DGKB: variants seen among roughly 807,000 people sequenced by gnomAD.
DGKB encodes the protein 90 kDa diacylglycerol kinase.
In DGKB, 67 loss-of-function variants were observed where a neutral mutation model predicts 114.3. The ratio of observed to expected loss-of-function variants is 0.59; its 90% CI spans 0.48 to 0.72. The LOEUF is 0.72. Among genes scored for constraint, DGKB ranks in the 30% least tolerant of loss-of-function variants. The probability of loss-of-function intolerance (pLI) is 0.00; values close to 1 mark genes in which losing one functional copy is unlikely to be tolerated. For missense variants in DGKB, 907 were observed against 975.2 expected (o/e 0.93, Z 0.93); for synonymous variants, 398 against 323.1 (o/e 1.23, Z -2.49).
chr7:14,631,656 C>T (rs1456902757), intron 13 of DGKB, among the ~76,000 whole-genome samples: 1 of 151,966 alleles, frequency 6.6e-6, no homozygotes. Flanking sequence ...CAGTAACATT[C>T]TTGACTTCTG....
At chr7:14,377,143 G>C (rs2128669465) in intron 21 of DGKB, among the ~76,000 whole-genome samples, 1 of 152,274 alleles carries the variant, frequency 6.6e-6, no homozygotes, top group East Asian at 1.9e-4. Context: ...GATATTCTGA[G>C]CTCTGTCTCA....
chr7:14,506,923 C>A (rs1029169932), intron 20 of DGKB, among the ~76,000 whole-genome samples: 1 of 152,158 alleles, frequency 6.6e-6, no homozygotes, highest in African/African-American at 2.4e-5. Flanking sequence ...AGTTATGTAT[C>A]AAGAGTTCCA....
chr7:14,243,097 G>C (rs6954871), intron 23 of DGKB, among the ~76,000 whole-genome samples: 1 of 151,616 alleles, frequency 6.6e-6, no homozygotes, highest in African/African-American at 2.4e-5. Flanking sequence ...AGGAAATGCT[G>C]TAAGCCTATT....
intron 20 of DGKB, among the ~76,000 whole-genome samples, chr7:14,547,230 A>C (rs62443522): frequency 0.044 from 6,744 of 152,190 alleles, 236 homozygotes; most frequent in East Asian, 0.2. Flanking sequence ...CTCAAAGAAA[A>C]CAAAATAAAC....
chr7:14,720,763 A>G (rs1829040619), intron 5 of DGKB, among the ~76,000 whole-genome samples: 1 of 152,008 alleles, frequency 6.6e-6, no homozygotes, highest in South Asian at 2.1e-4. Flanking sequence ...TTTCCTTTTT[A>G]ATAGAAGTAT....
intron 13 of DGKB, among the ~76,000 whole-genome samples, chr7:14,653,748 A>C (rs548935799): frequency 6.6e-6 from 1 of 152,236 alleles, no homozygotes; most frequent in African/African-American, 2.4e-5. Context: ...AATGTGATAT[A>C]ATACATCAAT....
chr7:14,818,616 A>G (rs551756617), intron 2 of DGKB, among the ~76,000 whole-genome samples: 62 of 152,352 alleles, frequency 4.1e-4, no homozygotes, highest in Admixed American at 1.8e-3. Flanking sequence ...GGAAACAGAA[A>G]TGAAGCAATG....
At chr7:14,647,335 A>AAAC (rs940990701) in intron 13 of DGKB, among the ~76,000 whole-genome samples, 76 of 151,998 alleles carry the variant, frequency 5.0e-4, no homozygotes, top group East Asian at 1.9e-3. Flanking sequence ...CCCAAAAAGA[A>AAAC]AACAACAACA....
At chr7:14,947,474 C>A (rs1785947998) in intron 1 of DGKB, among the ~76,000 whole-genome samples, 1 of 149,814 alleles carries the variant, frequency 6.7e-6, no homozygotes, top group Non-Finnish European at 1.5e-5. Context: ...TTATACATAT[C>A]TTTAACTGAA....
intron 13 of DGKB, among the ~76,000 whole-genome samples, chr7:14,632,342 G>C (rs1809882756): frequency 1.3e-5 from 2 of 151,732 alleles, no homozygotes; most frequent in Admixed American, 1.3e-4. Flanking sequence ...AATATTTAGT[G>C]ATGTGGTGTT....
chr7:14,223,850 T>C (rs1414043156), intron 23 of DGKB, among the ~76,000 whole-genome samples: 1 of 151,800 alleles, frequency 6.6e-6, no homozygotes, highest in Admixed American at 6.6e-5. Context: ...TTGTTTTAGG[T>C]GGGAAGCCAT....
intron 12 of DGKB, 119 bp from the exon 13 acceptor site, chr7:14,673,146 G>C (rs766443924): frequency 1.3e-5 from 8 of 611,924 alleles, no homozygotes; most frequent in Admixed American, 3.0e-5. Flanking sequence ...GAAATTATAA[G>C]AACAAATAAA....
At chr7:14,911,826 G>A (rs1163008666) in intron 1 of DGKB, among the ~76,000 whole-genome samples, 2 of 152,182 alleles carry the variant, frequency 1.3e-5, no homozygotes, top group Non-Finnish European at 2.9e-5. Context: ...AAGGCAATTA[G>A]TAAAATTAAT....
intron 23 of DGKB, among the ~76,000 whole-genome samples, chr7:14,246,323 G>A (rs1308494331): frequency 6.6e-6 from 1 of 152,136 alleles, no homozygotes; most frequent in African/African-American, 2.4e-5. Flanking sequence ...TAAAATGAAT[G>A]TAATTTTATA....
intron 1 of DGKB, among the ~76,000 whole-genome samples, chr7:14,868,076 G>A (rs756838877): frequency 3.0e-4 from 46 of 152,132 alleles, no homozygotes; most frequent in Non-Finnish European, 5.1e-4. Context: ...ACACCTCTGC[G>A]TCTCCATTTC....
chr7:14,684,057 T>C (rs2128973320), intron 10 of DGKB, among the ~76,000 whole-genome samples: 1 of 152,272 alleles, frequency 6.6e-6, no homozygotes, highest in African/African-American at 2.4e-5. Flanking sequence ...AGGGAGAATG[T>C]TCTAGTGTAA....
intron 1 of DGKB, among the ~76,000 whole-genome samples, chr7:14,893,585 T>C (rs558566150): frequency 2.0e-5 from 3 of 151,498 alleles, no homozygotes; most frequent in African/African-American, 7.2e-5. Flanking sequence ...TTTATATCTC[T>C]TTCCTAGTTC....
intron 5 of DGKB, among the ~76,000 whole-genome samples, chr7:14,720,473 TTGTGTGTGTGTGTGTGTGTGTGTGTGTG>T (rs61654464): frequency 1.5e-5 from 2 of 136,482 alleles, no homozygotes; most frequent in African/African-American, 2.9e-5. Flanking sequence ...CCCGGCTGAT[TTGTGTGTGTGTGTGTGTGTGTGTGTGTG>T]TGTGTGTGTG....
chr7:14,165,866 G>A (rs1156486784), intron 25 of DGKB, among the ~76,000 whole-genome samples: 1 of 152,126 alleles, frequency 6.6e-6, no homozygotes, highest in Non-Finnish European at 1.5e-5. Flanking sequence ...AGTCTCATTG[G>A]ACTACTGTCT....
Sources: gnomAD v4.1 joint callset for allele counts (sites outside exome capture counted in the v4.1 genomes callset) on GRCh38, gnomAD v4.1.1 for gene constraint, MANE v1.5 for transcripts, NCBI Gene and HGNC (gene_info 2026-07-23, HGNC 2026-07-21) for gene names.